The following QPCT variants were observed in gnomAD, a reference collection of about 807,000 sequenced individuals.
The protein encoded by QPCT is glutaminyl-peptide cyclotransferase, also known as EC.
A neutral mutation model predicts 43.4 loss-of-function variants in QPCT; 44 were observed. The ratio of observed to expected loss-of-function variants is 1.01; its 90% CI spans 0.80 to 1.30. The LOEUF is 1.30. Among genes scored for constraint, QPCT ranks in the 50% most tolerant of loss-of-function variants. The probability of loss-of-function intolerance (pLI) is 0.00; values close to 1 mark genes in which losing one functional copy is unlikely to be tolerated. For synonymous variants in QPCT, 168 were observed against 168.4 expected (o/e 1.00, Z 0.02); for missense variants, 526 against 436.5 (o/e 1.21, Z -1.83).
At position 37,372,820 on chromosome 2, in the gene QPCT, A is replaced by C. The variant is rs4670696; in HGVS notation, c.1079A>C (p.His360Pro). Residue 360 changes from histidine (H) to proline (P), a missense_variant, in exon 7 of 7, where the codon CAT becomes CCT. His to Pro is a moderately conservative substitution (Grantham distance 77). Transcript: ENST00000338415. Reference protein sequence around the residue: ...ILQVFVLEYLHL With the variant: ...ILQVFVLEYLPL ...CAAGTCTTTGTGTTGGAATATCTTC[A>C]TTTGTAATACTCTGATTTAGTTTAG... 82,809 of 1,607,188 alleles carry C rather than the reference A, an allele frequency of 0.052. 7,635 individuals carry two copies. The highest frequency in any genetic ancestry group is 0.39 in the East Asian group (17,600 of 44,740).
At chr2:37,362,993 A>G (rs144949172) in intron 3 of QPCT, among the ~76,000 whole-genome samples, 4 of 152,352 alleles carry the variant, frequency 2.6e-5, no homozygotes, top group African/African-American at 9.6e-5. Context: ...AATAGCAAGT[A>G]TACAGGAGGG....
chr2:37,371,575 T>C (rs1673074654), intron 5 of QPCT, among the ~76,000 whole-genome samples: 1 of 151,984 alleles, frequency 6.6e-6, no homozygotes, highest in African/African-American at 2.4e-5. Context: ...GATTGATTAC[T>C]AGTTGGTTTA....
chr2:37,367,232 A>C lies in QPCT; in HGVS notation c.547A>C (p.Thr183Pro). 6.2e-7 allele frequency: 1 copy of C among 1,610,030 alleles called. No individual in the cohort carries two copies. The highest frequency in any genetic ancestry group is 8.5e-7 in the Non-Finnish European group (1 of 1,178,430). The change falls in exon 4 of 7, where the codon ACT becomes CCT. Residue 183 changes from threonine to proline, a missense_variant and splice_region_variant. Thr to Pro is a conservative substitution (Grantham distance 38). Transcript: ENST00000338415. ...ALDKKLLSLK[T>P]VSDSKPDLSL... ...ATGTTTTTATTGTTGTTTTTACCAG[A>C]CTGTTTCAGACTCCAAGCCAGATTT...
intron 2 of QPCT, among the ~76,000 whole-genome samples, chr2:37,356,466 G>T (rs1458252497): frequency 6.6e-6 from 1 of 152,248 alleles, no homozygotes; most frequent in East Asian, 1.9e-4. Context: ...TTGGTATTGG[G>T]GAAGGCAGCT....
At chr2:37,356,514 T>G (rs1672749345) in intron 2 of QPCT, among the ~76,000 whole-genome samples, 1 of 152,176 alleles carries the variant, frequency 6.6e-6, no homozygotes, top group East Asian at 1.9e-4. Context: ...ACTCCCTGCT[T>G]ACGGGTATTT....
chr2:37,367,240 A>G lies in QPCT; in HGVS notation c.555A>G (p.Ser185=), dbSNP rs1672980981. ...ATTGTTGTTTTTACCAGACTGTTTC[A>G]GACTCCAAGCCAGATTTGTCACTCC... ...DKKLLSLKTV[S]DSKPDLSLQL... The change falls in exon 4 of 7, where the codon TCA becomes TCG. Residue 185 remains serine (S), a synonymous_variant. Coordinates refer to ENST00000338415, the MANE Select transcript of QPCT (RefSeq NM_012413.4). The G allele has an allele frequency of 3.7e-6, 6 of 1,612,586 alleles. No homozygotes were observed. Among genetic ancestry groups the G allele is most frequent in the African/African-American group, 2.7e-5 (2 of 74,794 alleles).
Position 37,359,579 on chromosome 2 carries a change from G to A in QPCT, c.268-1G>A. 6.2e-7 allele frequency: 1 copy of A among 1,612,000 alleles called. No individual in the cohort carries two copies. Among genetic ancestry groups the A allele is most frequent in the Non-Finnish European group, 8.5e-7 (1 of 1,178,534 alleles). On this transcript the variant is annotated splice_acceptor_variant, in intron 2 of 6. Coordinates refer to ENST00000338415, the MANE Select transcript of QPCT (RefSeq NM_012413.4). LOFTEE classifies it high-confidence loss of function. ...ATTTTTTGTTTTTTTGTTTTGATCA[G>A]CACATCATGCAGCGAATTCAGAGGC...
intron 3 of QPCT, among the ~76,000 whole-genome samples, chr2:37,365,047 T>G (rs527386306): frequency 6.7e-6 from 1 of 148,714 alleles, no homozygotes; most frequent in South Asian, 2.1e-4. Flanking sequence ...ATTAAAAATT[T>G]TATATATATA....
chr2:37,353,019 G>T lies in QPCT; in HGVS notation c.267+84G>T, dbSNP rs45582034. On this transcript the variant is annotated intron_variant, in intron 2 of 6. Coordinates refer to ENST00000338415, the MANE Select transcript of QPCT (RefSeq NM_012413.4). ...ATAATGTTATGGCTGAAGTTCTGAG[G>T]TGTCTAATATTCAGATCTGTCATCT... The T allele has an allele frequency of 1.7e-3, 2,535 of 1,463,916 alleles. 32 individuals carry two copies. In the African/African-American group the frequency reaches 0.031, roughly 18 times the overall value. The allele number at this position is 1,463,916 out of a possible 1,614,324, so 90.7% of individuals were successfully genotyped here.
intron 2 of QPCT, among the ~76,000 whole-genome samples, chr2:37,358,461 C>CAAAACA (rs573104238): frequency 1.1e-4 from 16 of 151,244 alleles, no homozygotes; most frequent in African/African-American, 3.9e-4. Flanking sequence ...CAAAACAAAA[C>CAAAACA]AAACAAACAA....
chr2:37,362,979 T>C (rs1672881591), intron 3 of QPCT, among the ~76,000 whole-genome samples: 1 of 152,120 alleles, frequency 6.6e-6, no homozygotes, highest in Non-Finnish European at 1.5e-5. Context: ...GTTATGGAAT[T>C]GAGAATAGCA....
At chr2:37,369,088 CAG>C (rs1673022486) in intron 4 of QPCT, among the ~76,000 whole-genome samples, 3 of 152,074 alleles carry the variant, frequency 2.0e-5, no homozygotes, top group Admixed American at 2.0e-4. Flanking sequence ...GAGTAGTCTT[CAG>C]AGAGTCCTCG....
intron 1 of QPCT, among the ~76,000 whole-genome samples, chr2:37,348,038 A>ATCTCTCTCTC (rs56107736): frequency 1.3e-5 from 2 of 150,520 alleles, no homozygotes; most frequent in Non-Finnish European, 3.0e-5. Context: ...TTTTATTTCT[A>ATCTCTCTCTC]TCTCTCTCTC....
At chr2:37,352,969 T>G in intron 2 of QPCT, 34 bp downstream of exon 2, 4 of 1,594,402 alleles carry the variant, frequency 2.5e-6, no homozygotes, top group Non-Finnish European at 3.4e-6. Context: ...CAAGCTTGTG[T>G]GAATACTGTG....
At position 37,372,217 on chromosome 2, in the gene QPCT, G is replaced by C. The variant is rs1208433974; in HGVS notation, c.824-139G>C. The stretch of plus-strand genomic sequence containing the variant: ...CCCAGATGTTTATTGTCATGGGTGT[G>C]GCCATGCTTGCTGTTGCATAATCTT... On this transcript the variant is annotated intron_variant, in intron 5 of 6. Coordinates refer to ENST00000338415, the MANE Select transcript of QPCT (RefSeq NM_012413.4). 7.2e-6 allele frequency: 5 copies of C among 696,144 alleles called. No individual in the cohort carries two copies. The African/African-American group carries it at 8.9e-5, about 12-fold the overall frequency. 43.1% of individuals were successfully genotyped at this position (696,144 alleles called of 1,614,324 possible). A position where few individuals can be genotyped will look rare whatever the true frequency, so the allele number is the denominator to read the frequency against.
intron 2 of QPCT, among the ~76,000 whole-genome samples, chr2:37,354,214 A>G (rs1192265569): frequency 6.6e-6 from 1 of 152,180 alleles, no homozygotes; most frequent in Non-Finnish European, 1.5e-5. Context: ...AGGCTAGCCT[A>G]GATATCCATA....
chr2:37,355,505 A>G (rs1027325967), intron 2 of QPCT, among the ~76,000 whole-genome samples: 1 of 152,108 alleles, frequency 6.6e-6, no homozygotes, highest in African/African-American at 2.4e-5. Context: ...GGTAAACTTG[A>G]TATAAAATTG....
At chr2:37,353,339 A>G (rs1178026431) in intron 2 of QPCT, among the ~76,000 whole-genome samples, 6 of 152,042 alleles carry the variant, frequency 3.9e-5, no homozygotes, top group Non-Finnish European at 8.8e-5. Flanking sequence ...GGGAAATTGT[A>G]TTTTCCCTGG....
At chr2:37,365,875 A>T (rs150126115) in intron 3 of QPCT, among the ~76,000 whole-genome samples, 178 of 152,366 alleles carry the variant, frequency 1.2e-3, no homozygotes, top group African/African-American at 3.6e-3. Flanking sequence ...TTGCCAGTCA[A>T]CATGAAAGGC....
Sources: allele counts gnomAD v4.1 joint callset (sites outside exome capture counted in the v4.1 genomes callset), GRCh38; gene constraint gnomAD v4.1.1; transcripts MANE v1.5; gene names NCBI Gene and HGNC (gene_info 2026-07-23, HGNC 2026-07-21).